IGFL2: variants seen among roughly 807,000 people sequenced by gnomAD.
The protein encoded by IGFL2 is IGF like family member 2, also known as insulin growth factor-like family member 2.
In IGFL2, 7 loss-of-function variants were observed where a neutral mutation model predicts 13.9. The ratio of observed to expected loss-of-function variants is 0.51; its 90% confidence interval spans 0.29 to 0.95. The LOEUF (loss-of-function observed/expected upper bound fraction) is 0.95, where lower values mean the gene tolerates loss of function less well. IGFL2 is among the 40% of genes least tolerant of loss of function. The pLI, the probability that IGFL2 is intolerant of heterozygous loss-of-function variation, is 0.08. For synonymous variants in IGFL2, 55 were observed against 55.8 expected (o/e 0.99, Z 0.07); for missense variants, 138 against 147.8 (o/e 0.93, Z 0.34).
the IGFL2 span, among the ~76,000 whole-genome samples, chr19:46,173,263 C>G: frequency 2.6e-5 from 4 of 152,228 alleles, no homozygotes; most frequent in Admixed American, 1.3e-4. Flanking sequence ...TCCAGAATCA[C>G]TTCCCCTATA....
intron 1 of IGFL2, among the ~76,000 whole-genome samples, chr19:46,156,009 G>A (rs1354210130): frequency 6.6e-6 from 1 of 152,108 alleles, no homozygotes; most frequent in Non-Finnish European, 1.5e-5. Context: ...TAGAGTCAGG[G>A]TGTCACTGTG....
chr19:46,113,458 T>G, the IGFL2 span: 1 of 388,092 alleles, frequency 2.6e-6, no homozygotes. Flanking sequence ...ATATCCAGGA[T>G]TACGACAAAG....
chr19:46,182,098 G>A, the IGFL2 span, among the ~76,000 whole-genome samples: 1 of 152,160 alleles, frequency 6.6e-6, no homozygotes, highest in Non-Finnish European at 1.5e-5. Flanking sequence ...ACCAGGCGCA[G>A]TGGCTCACAC....
At chr19:46,153,839 A>ATATATATATTTT (rs1198396702) in intron 1 of IGFL2, among the ~76,000 whole-genome samples, 6 of 139,364 alleles carry the variant, frequency 4.3e-5, no homozygotes, top group African/African-American at 1.4e-4. Context: ...ATATATATAT[A>ATATATATATTTT]TTTTTTTTAC....
chr19:46,199,051 T>C, the IGFL2 span, among the ~76,000 whole-genome samples: 2 of 152,018 alleles, frequency 1.3e-5, no homozygotes, highest in South Asian at 2.1e-4. Flanking sequence ...AATGTCAGAT[T>C]TGGGTCTCAT....
At chr19:46,131,380 C>T in the IGFL2 span, among the ~76,000 whole-genome samples, 1 of 152,182 alleles carries the variant, frequency 6.6e-6, no homozygotes, top group Non-Finnish European at 1.5e-5. Context: ...AATATTTGTG[C>T]AGTCAGCTTT....
At chr19:46,192,460 C>T in the IGFL2 span, among the ~76,000 whole-genome samples, 1,514 of 150,942 alleles carry the variant, frequency 0.01, 28 homozygotes, top group African/African-American at 0.035. Flanking sequence ...CGCTCTGTCA[C>T]CCAGGCTGGA....
chr19:46,132,404 A>C, the IGFL2 span, among the ~76,000 whole-genome samples: 1 of 152,204 alleles, frequency 6.6e-6, no homozygotes, highest in Non-Finnish European at 1.5e-5. Flanking sequence ...GAAAGAAAAC[A>C]ATTCATTGGG....
At chr19:46,152,462 T>A (rs1469244430) in intron 1 of IGFL2, among the ~76,000 whole-genome samples, 1 of 151,974 alleles carries the variant, frequency 6.6e-6, no homozygotes, top group Non-Finnish European at 1.5e-5. Context: ...TGTTTTTATT[T>A]TTATACAGAT....
At chr19:46,118,691 T>G in the IGFL2 span, among the ~76,000 whole-genome samples, 2 of 152,170 alleles carry the variant, frequency 1.3e-5, no homozygotes, top group African/African-American at 4.8e-5. Context: ...ACTTTACTGC[T>G]GCAAGGAGGC....
At chr19:46,135,711 T>C in the IGFL2 span, among the ~76,000 whole-genome samples, 2 of 152,218 alleles carry the variant, frequency 1.3e-5, no homozygotes, top group African/African-American at 4.8e-5. Context: ...GGGAAGACTT[T>C]CCTGGACAGG....
chr19:46,131,934 C>G, the IGFL2 span, among the ~76,000 whole-genome samples: 6 of 152,132 alleles, frequency 3.9e-5, no homozygotes, highest in African/African-American at 2.4e-5. Context: ...GCGAGACTCC[C>G]TCTCAAACAA....
At chr19:46,133,555 C>G in the IGFL2 span, among the ~76,000 whole-genome samples, 752 of 152,306 alleles carry the variant, frequency 4.9e-3, 4 homozygotes, top group African/African-American at 0.017. Flanking sequence ...GAGGAATAGG[C>G]TATGACCTAA....
At chr19:46,081,040 C>T in the IGFL2 span, among the ~76,000 whole-genome samples, 1 of 152,184 alleles carries the variant, frequency 6.6e-6, no homozygotes, top group African/African-American at 2.4e-5. Context: ...CCACAATTGG[C>T]CAGTTATCTT....
the IGFL2 span, among the ~76,000 whole-genome samples, chr19:46,185,578 C>T: frequency 6.6e-6 from 1 of 152,312 alleles, no homozygotes; most frequent in South Asian, 2.1e-4. Flanking sequence ...CAATACTGGG[C>T]ACCTCTCTTT....
At chr19:46,092,769 T>C in the IGFL2 span, among the ~76,000 whole-genome samples, 31 of 152,068 alleles carry the variant, frequency 2.0e-4, no homozygotes, top group African/African-American at 7.5e-4. Flanking sequence ...GTGTGAGCCA[T>C]CATGCCTGTC....
the IGFL2 span, among the ~76,000 whole-genome samples, chr19:46,170,580 G>C: frequency 1.1e-4 from 17 of 152,302 alleles, no homozygotes; most frequent in Non-Finnish European, 1.9e-4. Context: ...GCAGGACAGA[G>C]CCATATTTCT....
At chr19:46,186,505 T>C in the IGFL2 span, among the ~76,000 whole-genome samples, 117,526 of 151,960 alleles carry the variant, frequency 0.77, 46,090 homozygotes, top group Non-Finnish European at 0.82. Context: ...AAGAGTGCTA[T>C]GGCCTGGATA....
the IGFL2 span, among the ~76,000 whole-genome samples, chr19:46,123,067 G>T: frequency 6.6e-6 from 1 of 150,984 alleles, no homozygotes; most frequent in South Asian, 2.1e-4. Flanking sequence ...GAATTCTAAA[G>T]ATTGGTATAC....
Sources: allele counts gnomAD v4.1 joint callset (sites outside exome capture counted in the v4.1 genomes callset), GRCh38; gene constraint gnomAD v4.1.1; transcripts MANE v1.5; gene names NCBI Gene and HGNC (gene_info 2026-07-23, HGNC 2026-07-21).